The following KCNQ5 variants were observed in gnomAD, a reference collection of about 807,000 sequenced individuals.
KCNQ5 encodes the protein potassium voltage-gated channel subfamily Q member 5, also known as potassium voltage-gated channel subfamily KQT member 5.
A neutral mutation model predicts 98.2 loss-of-function variants in KCNQ5; 30 were observed. The observed-to-expected ratio is 0.31, with a 90% CI of 0.23 to 0.41. The LOEUF (loss-of-function observed/expected upper bound fraction) is 0.41. Among genes scored for constraint, KCNQ5 ranks in the 10% least tolerant of loss-of-function variants. The pLI, the probability that KCNQ5 is intolerant of heterozygous loss-of-function variation, is 1.00. For missense variants in KCNQ5, 835 were observed against 1,182.5 expected, an observed-to-expected ratio of 0.71 and a Z score of 4.31; for synonymous variants, 458 against 449.4, an observed-to-expected ratio of 1.02 and a Z score of -0.24.
At chr6:72,665,413 G>A (rs950311271) in intron 1 of KCNQ5, among the ~76,000 whole-genome samples, 10 of 151,620 alleles carry the variant, frequency 6.6e-5, no homozygotes, top group East Asian at 1.9e-4. Context: ...GTAATATGGC[G>A]TTTTAAAAGT....
At chr6:73,097,818 C>T (rs901274301) in intron 5 of KCNQ5, among the ~76,000 whole-genome samples, 1 of 152,284 alleles carries the variant, frequency 6.6e-6, no homozygotes, top group South Asian at 2.1e-4. Flanking sequence ...CTTGGGGTAC[C>T]CCTTAATGCA....
intron 1 of KCNQ5, among the ~76,000 whole-genome samples, chr6:72,726,054 A>T (rs7772481): frequency 0.37 from 55,519 of 151,672 alleles, 13,791 homozygotes; most frequent in African/African-American, 0.67. Context: ...TGGATTTATT[A>T]TGTATAAACA....
intron 1 of KCNQ5, among the ~76,000 whole-genome samples, chr6:72,667,357 G>A (rs76074956): frequency 1.1e-4 from 16 of 152,058 alleles, no homozygotes; most frequent in African/African-American, 2.9e-4. Flanking sequence ...TTCGTATCCC[G>A]ACTTCACCCT....
At chr6:72,725,676 T>C (rs1221628982) in intron 1 of KCNQ5, among the ~76,000 whole-genome samples, 1 of 152,146 alleles carries the variant, frequency 6.6e-6, no homozygotes, top group East Asian at 1.9e-4. Context: ...TTTTAAATGT[T>C]TTCACCACAA....
intron 1 of KCNQ5, among the ~76,000 whole-genome samples, chr6:72,925,780 G>A (rs937767350): frequency 6.6e-6 from 1 of 152,170 alleles, no homozygotes; most frequent in Admixed American, 6.6e-5. Context: ...GGAGGAGCTT[G>A]CTTAGTAGTT....
intron 1 of KCNQ5, among the ~76,000 whole-genome samples, chr6:72,883,659 A>G (rs1186212458): frequency 6.6e-6 from 1 of 152,198 alleles, no homozygotes; most frequent in Non-Finnish European, 1.5e-5. Context: ...TATACACAGG[A>G]GCCAGGGGTG....
At chr6:72,629,094 A>G (rs577572040) in intron 1 of KCNQ5, among the ~76,000 whole-genome samples, 114 of 152,220 alleles carry the variant, frequency 7.5e-4, no homozygotes, top group Non-Finnish European at 4.1e-4. Context: ...CCATGCATAC[A>G]TACTGATTCA....
chr6:72,850,364 C>T (rs533179078), intron 1 of KCNQ5, among the ~76,000 whole-genome samples: 45 of 152,136 alleles, frequency 3.0e-4, no homozygotes, highest in Non-Finnish European at 5.4e-4. Context: ...TGCTCAAAGT[C>T]GGCTTTCTAT....
Position 72,805,890 on chromosome 6 carries a change from G to T in KCNQ5, c.398+183303G>T, listed in dbSNP as rs1370901007. On this transcript the variant is annotated intron_variant, in intron 1 of 13. Coordinates refer to ENST00000370398, the MANE Select transcript of KCNQ5 (RefSeq NM_019842.4). Reference sequence around the variant, plus strand: ...ATCGTAGAACTCTTTCAATTCTTTGGTTAATTCCTAGGTGTTTTATTTTAT... The same window carrying T: ...ATCGTAGAACTCTTTCAATTCTTTGTTTAATTCCTAGGTGTTTTATTTTAT... Among the ~76,000 whole-genome samples, 6 of 151,870 alleles carry T rather than the reference G, an allele frequency of 4.0e-5. 1 individual carries two copies. Among genetic ancestry groups the T allele is most frequent in the Admixed American group, 1.3e-4 (2 of 15,242 alleles).
chr6:73,194,617 G>T lies in KCNQ5; in HGVS notation c.2002G>T (p.Gly668Cys). 1 of 1,614,174 alleles carries T rather than the reference G, an allele frequency of 6.2e-7. No individual in the cohort carries two copies. The highest frequency in any genetic ancestry group is 1.6e-4 in the Middle Eastern group (1 of 6,062). ...QSPVDSKDLS[G>C]SAQNSGCLSR... ...CCCTGTGGATAGCAAAGATCTTTCG[G>T]GTTCCGCACAAAACAGTGGCTGCTT... is the stretch of plus-strand genomic sequence containing the variant. The change falls in exon 14 of 14, where the codon GGT (glycine) becomes TGT (cysteine). Residue 668 changes from glycine (G) to cysteine (C), a missense_variant. By Grantham distance (159) the Gly-to-Cys change is radical (BLOSUM62 -3). Around this residue, in one of 10 missense-constraint regions of KCNQ5, gnomAD observed 416 missense variants for 446.9 expected, o/e 0.93. Coordinates refer to ENST00000370398, the MANE Select transcript of KCNQ5 (RefSeq NM_019842.4).
chr6:72,757,427 C>G (rs577553147), intron 1 of KCNQ5, among the ~76,000 whole-genome samples: 7 of 152,232 alleles, frequency 4.6e-5, no homozygotes, highest in Non-Finnish European at 8.8e-5. Flanking sequence ...TATCATTAAT[C>G]AAAAATGAAT....
chr6:72,694,067 C>A (rs1207663208), intron 1 of KCNQ5, among the ~76,000 whole-genome samples: 1 of 152,150 alleles, frequency 6.6e-6, no homozygotes, highest in Admixed American at 6.5e-5. Context: ...AAAACTAGGA[C>A]AGTCCCATTC....
At chr6:73,157,427 C>T in intron 10 of KCNQ5, 2 of 646,722 alleles carry the variant, frequency 3.1e-6, no homozygotes, top group South Asian at 3.4e-5. Flanking sequence ...CACAGGCCGC[C>T]CGGGGGCGGG....
intron 1 of KCNQ5, among the ~76,000 whole-genome samples, chr6:72,784,357 C>T (rs927217299): frequency 2.0e-5 from 3 of 151,992 alleles, no homozygotes; most frequent in Non-Finnish European, 4.4e-5. Flanking sequence ...GCAGAGAGAA[C>T]CAGATAAGTG....
chr6:72,910,607 G>GT (rs1562062232), intron 1 of KCNQ5, among the ~76,000 whole-genome samples: 4 of 84,142 alleles, frequency 4.8e-5, no homozygotes, highest in Non-Finnish European at 8.3e-5. Flanking sequence ...TGTGTGTGTG[G>GT]CTGATAAATT....
intron 1 of KCNQ5, among the ~76,000 whole-genome samples, chr6:72,736,753 C>T (rs1003447916): frequency 1.3e-5 from 2 of 151,746 alleles, no homozygotes; most frequent in Non-Finnish European, 2.9e-5. Context: ...CCCGCCTCGG[C>T]CTCCCAAAGT....
intron 1 of KCNQ5, among the ~76,000 whole-genome samples, chr6:72,719,836 T>C (rs1769852138): frequency 1.3e-5 from 2 of 152,334 alleles, no homozygotes; most frequent in South Asian, 4.1e-4. Context: ...CCTGAGGCAC[T>C]TACTCAGGGA....
intron 1 of KCNQ5, among the ~76,000 whole-genome samples, chr6:72,954,431 G>A (rs924796376): frequency 5.9e-5 from 9 of 152,150 alleles, no homozygotes; most frequent in African/African-American, 2.2e-4. Context: ...GCATTCCAGT[G>A]TATCCACTTA....
chr6:72,917,575 C>T (rs559999037), intron 1 of KCNQ5, among the ~76,000 whole-genome samples: 45 of 152,060 alleles, frequency 3.0e-4, no homozygotes, highest in African/African-American at 1.0e-3. Context: ...CAGGTTCAAG[C>T]GATTCTCCTG....
Sources: allele counts gnomAD v4.1 joint callset (sites outside exome capture counted in the v4.1 genomes callset), GRCh38; gene constraint gnomAD v4.1.1; regional missense constraint gnomAD v4.1.1; transcripts MANE v1.5; gene names NCBI Gene and HGNC (gene_info 2026-07-23, HGNC 2026-07-21).